The following UBR1 variants were observed in gnomAD, a reference collection of about 807,000 sequenced individuals.
UBR1 encodes the protein E3 ubiquitin-protein ligase UBR1.
UBR1 carries 102 observed loss-of-function variants against 242.1 expected under a neutral mutation model. The ratio of observed to expected loss-of-function variants is 0.42; its 90% CI spans 0.36 to 0.50. UBR1 has a LOEUF of 0.50. Among genes scored for constraint, UBR1 ranks in the 20% least tolerant of loss-of-function variants. The pLI, the probability that UBR1 is intolerant of heterozygous loss-of-function variation, is 0.01. For missense variants in UBR1, 1,772 were observed against 2,101.8 expected, an observed-to-expected ratio of 0.84 and a Z score of 3.07; for synonymous variants, 675 against 684.8, an observed-to-expected ratio of 0.99 and a Z score of 0.22.
intron 37 of UBR1, among the ~76,000 whole-genome samples, chr15:42,981,382 T>C (rs1192283275): frequency 6.6e-6 from 1 of 152,202 alleles, no homozygotes. Flanking sequence ...GCAGCTTCTG[T>C]TCCTCTCAAT....
chr15:42,970,570 C>G lies in UBR1; in HGVS notation c.4407G>C (p.Glu1469Asp), dbSNP rs1157361706. ...CAAAGAAAGAAGATGCGGAATGAGC[C>G]TCTTCACTGTCTTCTTGAACCTGAG... ...PLAQVQEDSE[E>D]AHSASSFFAE... is the part of the protein sequence containing the mutation. Residue 1469 changes from glutamate (E) to aspartate (D), a missense_variant, in exon 40 of 47, where the codon GAG becomes GAC. Around this residue, in one of 3 missense-constraint regions of UBR1, gnomAD observed 965 missense variants for 1,079.7 expected, o/e 0.89. Transcript: ENST00000290650. 1.2e-6 allele frequency: 2 copies of G among 1,613,694 alleles called. No individual in the cohort carries two copies. Among genetic ancestry groups the G allele is most frequent in the Non-Finnish European group, 8.5e-7 (1 of 1,180,010 alleles).
At chr15:43,075,752 A>C (rs556639002) in intron 3 of UBR1, among the ~76,000 whole-genome samples, 4 of 151,648 alleles carry the variant, frequency 2.6e-5, no homozygotes, top group Admixed American at 1.3e-4. Flanking sequence ...AGTAGCTGGG[A>C]CTACAGGCAT....
intron 45 of UBR1, chr15:42,950,660 G>C (rs2031819656): frequency 2.6e-6 from 1 of 381,678 alleles, no homozygotes; most frequent in Non-Finnish European, 4.9e-6. Context: ...AGACACCTTG[G>C]AAAATGGTGG....
chr15:42,976,434 C>G (rs924972402), intron 39 of UBR1, among the ~76,000 whole-genome samples: 1 of 152,090 alleles, frequency 6.6e-6, no homozygotes, highest in Non-Finnish European at 1.5e-5. Context: ...AGGGACAGAC[C>G]TCGAGGATGG....
rs190464027 is a variant in UBR1 at position 42,944,287 on chromosome 15, A to G, written c.*1042T>C. The G allele has an allele frequency of 2.0e-5, 3 of 152,790 alleles. No homozygotes were observed. In the East Asian group the frequency reaches 5.8e-4, roughly 29 times the overall value. The allele number at this position is 152,790 out of a possible 1,614,324, so 9.5% of individuals were successfully genotyped here. A position where few individuals can be genotyped will look rare whatever the true frequency, so the allele number is the denominator to read the frequency against. On this transcript the variant is annotated 3_prime_UTR_variant, in exon 47 of 47. Coordinates refer to ENST00000290650, the MANE Select transcript of UBR1 (RefSeq NM_174916.3). ...CAAGATGGCTCAACCACAGCATGTT[A>G]TAACAGGACACAGACTATTGATCAC...
chr15:42,975,054 G>A (rs1040848314), intron 39 of UBR1, among the ~76,000 whole-genome samples: 4 of 151,970 alleles, frequency 2.6e-5, no homozygotes, highest in Non-Finnish European at 2.9e-5. Flanking sequence ...CTGCCACCAC[G>A]CTGGCTAATT....
At chr15:43,088,062 G>A (rs4924705) in intron 1 of UBR1, among the ~76,000 whole-genome samples, 36,184 of 152,084 alleles carry the variant, frequency 0.24, 5,096 homozygotes, top group African/African-American at 0.39. Context: ...AAAACTTAGC[G>A]TTCACTGTGT....
intron 37 of UBR1, among the ~76,000 whole-genome samples, chr15:42,983,256 A>C (rs2032405948): frequency 6.6e-6 from 1 of 152,170 alleles, no homozygotes; most frequent in Admixed American, 6.5e-5. Context: ...CCCTTTTCTA[A>C]CTGGATTGGG....
rs2031695708 is a variant in UBR1, at chr15:42,944,201, A to G, written c.*1128T>C. 6.6e-6 allele frequency: 1 copy of G among 152,602 alleles called. No individual in the cohort carries two copies. The highest frequency in any genetic ancestry group is 6.5e-5 in the Admixed American group (1 of 15,278). The allele number at this position is 152,602 out of a possible 1,614,324, so 9.5% of individuals were successfully genotyped here. A position where few individuals can be genotyped will look rare whatever the true frequency, so the allele number is the denominator to read the frequency against. ...TATATCACAATCTCTTGATACAAAAAACAAAAGCCAGGAACCAAGAAGTCT... is the reference window on the plus strand; with the variant it reads ...TATATCACAATCTCTTGATACAAAAGACAAAAGCCAGGAACCAAGAAGTCT... On this transcript the variant is annotated 3_prime_UTR_variant, in exon 47 of 47. Transcript: ENST00000290650.
At chr15:43,067,309 C>A (rs1324302367) in intron 6 of UBR1, among the ~76,000 whole-genome samples, 1 of 151,832 alleles carries the variant, frequency 6.6e-6, no homozygotes, top group Non-Finnish European at 1.5e-5. Context: ...AAGTTAACCA[C>A]CTATTCTAAT....
chr15:42,981,680 C>T (rs2032381087), intron 37 of UBR1, among the ~76,000 whole-genome samples: 1 of 152,028 alleles, frequency 6.6e-6, no homozygotes, highest in Non-Finnish European at 1.5e-5. Context: ...TTAGTAGAGA[C>T]AGGGTTTTAC....
intron 13 of UBR1, 70 bp from the exon 14 acceptor site, chr15:43,047,359 T>G: frequency 6.2e-7 from 1 of 1,607,010 alleles, no homozygotes; most frequent in South Asian, 1.1e-5. Flanking sequence ...TGGCAAAATA[T>G]AAAACTGTCA....
intron 3 of UBR1, among the ~76,000 whole-genome samples, chr15:43,080,989 C>CATA (rs761471613): frequency 6.6e-6 from 1 of 151,948 alleles, no homozygotes; most frequent in Non-Finnish European, 1.5e-5. Flanking sequence ...TTTGTATGGA[C>CATA]ATAAGTTTTC....
intron 40 of UBR1, 23 bp from the exon 41 acceptor site, chr15:42,966,309 G>A: frequency 1.2e-6 from 2 of 1,613,910 alleles, no homozygotes; most frequent in Non-Finnish European, 1.7e-6. Context: ...AATTCCAGAA[G>A]AGAACAGAAT....
intron 17 of UBR1, 122 bp downstream of exon 17, chr15:43,037,651 T>C (rs763338567): frequency 1.2e-6 from 1 of 808,948 alleles, no homozygotes; most frequent in Non-Finnish European, 2.1e-6. Flanking sequence ...TTTCTAGGAG[T>C]TTATACAAGA....
At chr15:42,978,117 G>A (rs1161235181) in intron 37 of UBR1, among the ~76,000 whole-genome samples, 170 bp from the exon 38 acceptor site, 1 of 152,150 alleles carries the variant, frequency 6.6e-6, no homozygotes, top group Non-Finnish European at 1.5e-5. Flanking sequence ...AAACTGAACT[G>A]AGAAAAGGCT....
chr15:43,054,629 A>G, intron 12 of UBR1, 113 bp downstream of exon 12: 3 of 1,192,848 alleles, frequency 2.5e-6, no homozygotes, highest in Non-Finnish European at 3.8e-6. Flanking sequence ...ACTTGCCATC[A>G]TTATAAAGAG....
At chr15:43,096,300 A>G (rs1272022403) in intron 1 of UBR1, among the ~76,000 whole-genome samples, 2 of 151,672 alleles carry the variant, frequency 1.3e-5, no homozygotes, top group African/African-American at 4.9e-5. Context: ...CAGTCTCCCG[A>G]GTAGCTGGGA....
At chr15:43,036,828 T>G (rs752364954) in intron 17 of UBR1, among the ~76,000 whole-genome samples, 1 of 152,132 alleles carries the variant, frequency 6.6e-6, no homozygotes, top group Non-Finnish European at 1.5e-5. Flanking sequence ...ATTACTGTCA[T>G]GTATAACAAG....
Sources: allele counts gnomAD v4.1 joint callset (sites outside exome capture counted in the v4.1 genomes callset), GRCh38; gene constraint gnomAD v4.1.1; regional missense constraint gnomAD v4.1.1; transcripts MANE v1.5; gene names NCBI Gene and HGNC (gene_info 2026-07-23, HGNC 2026-07-21).